CACNA1C: variants seen among roughly 807,000 people sequenced by gnomAD.
The protein encoded by CACNA1C is voltage-dependent L-type calcium channel subunit alpha-1C.
In CACNA1C, 30 loss-of-function variants were observed where a neutral mutation model predicts 229.0. That is an observed-to-expected ratio of 0.13 (90% CI 0.10 to 0.18). The LOEUF (loss-of-function observed/expected upper bound fraction) is 0.18, where lower values mean the gene tolerates loss of function less well. Among genes scored for constraint, CACNA1C ranks in the 10% least tolerant of loss-of-function variants. The pLI is 1.00. For missense variants in CACNA1C, 1,658 were observed against 2,845.0 expected (o/e 0.58, Z 9.49); for synonymous variants, 1,114 against 1,132.5 (o/e 0.98, Z 0.33).
Position 2,688,558 on chromosome 12 carries a change from C to G in CACNA1C, c.5896C>G (p.Pro1966Ala). Residue 1966 changes from proline (P) to alanine (A), a missense_variant, in exon 46 of 47, where the codon CCA becomes GCA. Around this residue, in one of 20 missense-constraint regions of CACNA1C, gnomAD observed 590 missense variants for 700.8 expected, o/e 0.84. Coordinates refer to ENST00000399655, the MANE Select transcript of CACNA1C (RefSeq NM_000719.7). ...CACACCTGGCAGCCGAGGCTGGCCC[C>G]CACAGCCCGTCCCCACCCTGCGGCT... Reference protein sequence around the residue: ...PATPGSRGWPPQPVPTLRLEG... With the variant: ...PATPGSRGWPAQPVPTLRLEG... 1 of 1,614,022 alleles carries G rather than the reference C, an allele frequency of 6.2e-7. No individual in the cohort carries two copies. Among genetic ancestry groups the G allele is most frequent in the Non-Finnish European group, 8.5e-7 (1 of 1,179,894 alleles).
rs2053595519 is a variant in CACNA1C at position 2,054,175 on chromosome 12, G to C, written c.49+564G>C. Reference sequence around the variant, plus strand: ...CGCGCTCCAGGTGGCGGGTGGGGGCGGCGGTGCAGATGTGAAGCCCAGCGC... The same window carrying C: ...CGCGCTCCAGGTGGCGGGTGGGGGCCGCGGTGCAGATGTGAAGCCCAGCGC... On this transcript the variant is annotated intron_variant, in intron 1 of 46. Coordinates refer to ENST00000399655, the MANE Select transcript of CACNA1C (RefSeq NM_000719.7). This position sits in a 1 kb window ranked among gnomAD's most constrained non-coding sequence, Gnocchi z 5.5. 6.6e-6 allele frequency among the ~76,000 whole-genome samples: 1 copy of C among 151,850 alleles called. No homozygotes were observed. Among genetic ancestry groups the C allele is most frequent in the Non-Finnish European group, 1.5e-5 (1 of 67,904 alleles).
intron 2 of CACNA1C, among the ~76,000 whole-genome samples, chr12:2,116,782 ACC>A (rs1225496903): frequency 3.3e-5 from 5 of 152,006 alleles, no homozygotes; most frequent in Admixed American, 6.6e-5. Context: ...TGGGACTAGA[ACC>A]CTGGTACTGA....
rs2080394619 is a variant in CACNA1C at position 2,108,932 on chromosome 12, A to C, written c.50-6292A>C. Among the ~76,000 whole-genome samples the C allele has an allele frequency of 6.6e-6, 1 of 152,244 alleles. No homozygotes were observed. The highest frequency in any genetic ancestry group is 2.4e-5 in the African/African-American group (1 of 41,464). ...TTGTCACTACAGCAAGATGACAGAC[A>C]GCAAGAGCCAAGTGGGCTTCTGGGT... is the stretch of plus-strand genomic sequence containing the variant. On this transcript the variant is annotated intron_variant, in intron 1 of 46. Coordinates refer to ENST00000399655, the MANE Select transcript of CACNA1C (RefSeq NM_000719.7). This position sits in a 1 kb window ranked among gnomAD's most constrained non-coding sequence, Gnocchi z 5.3.
At chr12:2,072,672 G>T (rs892960184) in intron 1 of CACNA1C, among the ~76,000 whole-genome samples, 4 of 151,996 alleles carry the variant, frequency 2.6e-5, no homozygotes, top group African/African-American at 9.7e-5. Flanking sequence ...GGTATATGAG[G>T]TATATATCAG....
chr12:2,669,655 CTG>C (rs1280095277), intron 38 of CACNA1C, among the ~76,000 whole-genome samples: 16 of 152,326 alleles, frequency 1.1e-4, no homozygotes, highest in Middle Eastern at 3.4e-3. Context: ...ATTAATAGGA[CTG>C]TGCTGGGAAG....
intron 9 of CACNA1C, among the ~76,000 whole-genome samples, chr12:2,518,709 G>A (rs1360712591): frequency 6.6e-6 from 1 of 152,026 alleles, no homozygotes; most frequent in Non-Finnish European, 1.5e-5. Flanking sequence ...ACAAACACAT[G>A]TGAAGCATCT....
intron 5 of CACNA1C, among the ~76,000 whole-genome samples, chr12:2,476,576 C>T (rs1235419308): frequency 6.6e-6 from 1 of 152,182 alleles, no homozygotes; most frequent in Admixed American, 6.5e-5. Context: ...CTGCCTTTCA[C>T]CATATGCAGT....
chr12:2,311,699 C>T (rs1330049873), intron 3 of CACNA1C, among the ~76,000 whole-genome samples: 2 of 152,180 alleles, frequency 1.3e-5, no homozygotes, highest in African/African-American at 4.8e-5. Flanking sequence ...ACACGAATGG[C>T]CACATTCATG....
At position 2,692,111 on chromosome 12, in the gene CACNA1C, C is replaced by T. The variant is rs1402997786; in HGVS notation, c.*912C>T. 1 of 152,074 alleles carries T rather than the reference C, an allele frequency of 6.6e-6. No individual in the cohort carries two copies. Among genetic ancestry groups the T allele is most frequent in the Non-Finnish European group, 1.5e-5 (1 of 68,008 alleles). 9.4% of individuals were successfully genotyped at this position (152,074 alleles called of 1,614,324 possible). ...GTATTATTTAAACGGTTGTGGTTTC[C>T]TTTTTCCACGGAGGTTCAATAGAAG... On this transcript the variant is annotated 3_prime_UTR_variant, in exon 47 of 47. Transcript: ENST00000399655.
chr12:2,116,556 A>T (rs1373006409), intron 2 of CACNA1C, among the ~76,000 whole-genome samples: 1 of 152,042 alleles, frequency 6.6e-6, no homozygotes, highest in South Asian at 2.1e-4. Flanking sequence ...TTTAGTAGAA[A>T]CGGGGTTTCA....
chr12:2,128,384 C>A (rs916199365), intron 3 of CACNA1C, among the ~76,000 whole-genome samples: 1 of 152,058 alleles, frequency 6.6e-6, no homozygotes, highest in African/African-American at 2.4e-5. Flanking sequence ...TCAGTAAGTA[C>A]CAAGTTAGCC....
chr12:2,670,603 G>A (rs973380120), intron 38 of CACNA1C, among the ~76,000 whole-genome samples: 4 of 152,120 alleles, frequency 2.6e-5, no homozygotes, highest in Admixed American at 1.3e-4. Context: ...GCTCGTGCCT[G>A]TAATTCCAGC....
rs1595178428 is a variant in CACNA1C at position 2,397,373 on chromosome 12, C to T, written c.478-51603C>T. ...CAGACTTCACAGGTAAGAGTGGGAG[C>T]TCAGTTGAGTGACAGGCCCATCCCA... On this transcript the variant is annotated intron_variant, in intron 3 of 46. Transcript: ENST00000399655. Among the ~76,000 whole-genome samples the T allele has an allele frequency of 1.3e-5, 2 of 152,350 alleles. 1 individual carries two copies. The highest frequency in any genetic ancestry group is 6.8e-3 in the Middle Eastern group (2 of 294).
intron 28 of CACNA1C, among the ~76,000 whole-genome samples, chr12:2,610,918 G>C (rs1354950368): frequency 6.6e-6 from 1 of 152,236 alleles, no homozygotes; most frequent in Non-Finnish European, 1.5e-5. Flanking sequence ...GAGAGGGGAG[G>C]AGATGGAGAA....
intron 3 of CACNA1C, among the ~76,000 whole-genome samples, chr12:2,344,365 C>G (rs1397220543): frequency 6.6e-6 from 1 of 152,070 alleles, no homozygotes; most frequent in Non-Finnish European, 1.5e-5. Context: ...TGCATTTTCA[C>G]AGTATCTTTG....
chr12:2,335,199 A>T (rs573762231), intron 3 of CACNA1C, among the ~76,000 whole-genome samples: 2 of 152,282 alleles, frequency 1.3e-5, no homozygotes, highest in East Asian at 3.9e-4. Flanking sequence ...CGGCAGCCTC[A>T]TCTTGGCTGC....
At chr12:2,411,429 G>A (rs926026207) in intron 3 of CACNA1C, among the ~76,000 whole-genome samples, 1 of 152,096 alleles carries the variant, frequency 6.6e-6, no homozygotes, top group Non-Finnish European at 1.5e-5. Flanking sequence ...TCTATTTTTC[G>A]CTGAGTGAAA....
At chr12:2,277,750 TC>T (rs2089433299) in intron 3 of CACNA1C, among the ~76,000 whole-genome samples, 1 of 152,218 alleles carries the variant, frequency 6.6e-6, no homozygotes, top group South Asian at 2.1e-4. Flanking sequence ...AGGAGATGGC[TC>T]CTGTCCTCCC....
In CACNA1C at chr12:1,991,785, TTG is replaced by T. The variant is rs35028713; in HGVS notation, c.139+20588_139+20589del. ...TTTAAATTGATGCATTAAAGAGAGT[TTG>T]TGTTTTTATATTTTTGGTATAGTAG... On this transcript the variant is annotated intron_variant, in intron 1 of 46. Coordinates refer to the CACNA1C transcript ENST00000682462. 2.2e-3 allele frequency: 339 copies of T among 155,558 alleles called. 1 individual carries two copies. The highest frequency in any genetic ancestry group is 0.01 in the Middle Eastern group (3 of 298). The allele number at this position is 155,558 out of a possible 1,614,324, so 9.6% of individuals were successfully genotyped here.
Sources: gnomAD v4.1 joint callset for allele counts (sites outside exome capture counted in the v4.1 genomes callset) on GRCh38, gnomAD v4.1.1 for gene constraint, gnomAD v4.1.1 regional missense constraint, Gnocchi (gnomAD v3.1) non-coding constraint, MANE v1.5 for transcripts, NCBI Gene and HGNC (gene_info 2026-07-23, HGNC 2026-07-21) for gene names.